Variants in ILRUN observed in about 807,000 individuals in gnomAD.
ILRUN encodes protein ILRUN.
A neutral mutation model predicts 33.8 loss-of-function variants in ILRUN; 3 were observed. The ratio of observed to expected loss-of-function variants is 0.09; its 90% CI spans 0.04 to 0.23. The LOEUF is 0.23. Ranked by LOEUF, ILRUN falls within the 10% of genes least tolerant of loss-of-function variation. The pLI is 1.00. For missense variants in ILRUN, 210 were observed against 375.1 expected, an observed-to-expected ratio of 0.56 and a Z score of 3.64; for synonymous variants, 124 against 138.9, an observed-to-expected ratio of 0.89 and a Z score of 0.75.
intron 3 of ILRUN, among the ~76,000 whole-genome samples, chr6:34,623,399 C>G (rs1233116604): frequency 6.6e-6 from 1 of 152,068 alleles, no homozygotes; most frequent in African/African-American, 2.4e-5. Flanking sequence ...ACAATCCCAC[C>G]CCACCCCTGG....
intron 3 of ILRUN, among the ~76,000 whole-genome samples, chr6:34,607,313 C>A (rs1420246091): frequency 6.6e-6 from 1 of 152,156 alleles, no homozygotes; most frequent in African/African-American, 2.4e-5. Flanking sequence ...ATGAGAATTA[C>A]AACTTTATCA....
chr6:34,696,621 C>A lies in ILRUN; in HGVS notation c.-18G>T. Reference sequence around the variant, plus strand: ...CCCTCCATGGCGGGGACCGGACACCCGCTTCCCCGCCTCTTCACAACCAAG... The same window carrying A: ...CCCTCCATGGCGGGGACCGGACACCAGCTTCCCCGCCTCTTCACAACCAAG... On this transcript the variant is annotated 5_prime_UTR_variant, in exon 1 of 5. Coordinates refer to ENST00000374023, the MANE Select transcript of ILRUN (RefSeq NM_024294.4). 6.3e-7 allele frequency: 1 copy of A among 1,578,900 alleles called. No individual in the cohort carries two copies. Among genetic ancestry groups the A allele is most frequent in the Non-Finnish European group, 8.6e-7 (1 of 1,166,028 alleles).
intron 3 of ILRUN, among the ~76,000 whole-genome samples, chr6:34,627,175 C>A (rs985220057): frequency 6.6e-6 from 1 of 152,198 alleles, no homozygotes; most frequent in Non-Finnish European, 1.5e-5. Context: ...GTAGCCTTTT[C>A]AGATCAGCTT....
intron 1 of ILRUN, among the ~76,000 whole-genome samples, chr6:34,682,021 C>CTTTTTTTTTTTTTTTTTTTTTTTT (rs1377020252): frequency 3.1e-5 from 4 of 130,016 alleles, no homozygotes; most frequent in African/African-American, 8.9e-5. Context: ...CCCACTAATT[C>CTTTTTTTTTTTTTTTTTTTTTTTT]TTATATTTTT....
intron 1 of ILRUN, among the ~76,000 whole-genome samples, chr6:34,679,318 T>C (rs1242498241): frequency 6.6e-6 from 1 of 152,144 alleles, no homozygotes; most frequent in Non-Finnish European, 1.5e-5. Context: ...TTATGAGGTG[T>C]AAGACAATTT....
chr6:34,662,363 A>G (rs1280336532), intron 1 of ILRUN, among the ~76,000 whole-genome samples: 3 of 152,032 alleles, frequency 2.0e-5, no homozygotes, highest in Non-Finnish European at 2.9e-5. Flanking sequence ...CTGGAGCACT[A>G]AGTTAAAACT....
rs1313098835 is a variant in ILRUN, at chr6:34,646,553, G to A, written c.511+48C>T. The A allele has an allele frequency of 6.3e-7, 1 of 1,580,210 alleles. No individual in the cohort carries two copies. Among genetic ancestry groups the A allele is most frequent in the Non-Finnish European group, 8.7e-7 (1 of 1,153,380 alleles). On this transcript the variant is annotated intron_variant, in intron 3 of 4. Coordinates refer to ENST00000374023, the MANE Select transcript of ILRUN (RefSeq NM_024294.4). This position sits in a 1 kb window ranked among gnomAD's most constrained non-coding sequence, Gnocchi z 4.9. ...GTGAGCAACACTGGGGATGTTATAA[G>A]ATGTTACCTTAGTTCCTTTACCCTG... is the stretch of plus-strand genomic sequence containing the variant.
intron 1 of ILRUN, among the ~76,000 whole-genome samples, chr6:34,677,349 T>C (rs1180387455): frequency 2.0e-5 from 3 of 151,404 alleles, no homozygotes; most frequent in Non-Finnish European, 4.4e-5. Context: ...ATTAAGCAAG[T>C]GAACAGAAAT....
At chr6:34,647,001 C>T (rs1360159804) in intron 2 of ILRUN, among the ~76,000 whole-genome samples, 2 of 151,832 alleles carry the variant, frequency 1.3e-5, no homozygotes, top group African/African-American at 4.9e-5. Context: ...AATAGTCTAA[C>T]CCTATGAAGA....
intron 1 of ILRUN, among the ~76,000 whole-genome samples, chr6:34,660,131 A>G (rs1423869277): frequency 7.2e-6 from 1 of 138,372 alleles, no homozygotes; most frequent in Non-Finnish European, 1.5e-5. Context: ...GCGAAACCTC[A>G]TCCCTTCAAA....
intron 3 of ILRUN, among the ~76,000 whole-genome samples, chr6:34,632,605 T>C (rs1762271015): frequency 6.7e-6 from 1 of 148,164 alleles, no homozygotes; most frequent in African/African-American, 2.5e-5. Flanking sequence ...CCAGGCTGCC[T>C]CCTGGGTTCA....
intron 2 of ILRUN, among the ~76,000 whole-genome samples, chr6:34,650,480 G>A (rs1165182335): frequency 6.6e-6 from 1 of 151,344 alleles, no homozygotes; most frequent in Non-Finnish European, 1.5e-5. Context: ...GCCCAGGCTG[G>A]AGTGCAGTGG....
chr6:34,667,116 G>A lies in ILRUN; in HGVS notation c.159-12337C>T, dbSNP rs534512395. Among the ~76,000 whole-genome samples the A allele has an allele frequency of 5.9e-5, 9 of 152,270 alleles. No individual in the cohort carries two copies. In the East Asian group the frequency reaches 1.5e-3, roughly 26 times the overall value. Reference sequence around the variant, plus strand: ...GAGAGGAAAAAAAAATCTATCTATAGTTTATTCTGATTCTTCCTTGAAGAA... The same window carrying A: ...GAGAGGAAAAAAAAATCTATCTATAATTTATTCTGATTCTTCCTTGAAGAA... On this transcript the variant is annotated intron_variant, in intron 1 of 4. Transcript: ENST00000374023.
intron 4 of ILRUN, among the ~76,000 whole-genome samples, chr6:34,601,708 C>CA (rs893248739): frequency 9.0e-6 from 1 of 111,028 alleles, no homozygotes; most frequent in African/African-American, 4.4e-5. Flanking sequence ...AGTACCCGCC[C>CA]CCCCAACTAC....
intron 1 of ILRUN, among the ~76,000 whole-genome samples, chr6:34,662,517 A>C (rs558146288): frequency 1.3e-5 from 2 of 152,302 alleles, no homozygotes; most frequent in South Asian, 2.1e-4. Flanking sequence ...ATGAACAAAT[A>C]AACAATATAT....
intron 3 of ILRUN, among the ~76,000 whole-genome samples, chr6:34,615,895 C>T (rs1761880116): frequency 1.3e-5 from 2 of 152,192 alleles, no homozygotes; most frequent in Non-Finnish European, 2.9e-5. Flanking sequence ...AACCGAACCA[C>T]CATCATCTTG....
intron 1 of ILRUN, among the ~76,000 whole-genome samples, chr6:34,682,265 T>G (rs1327364194): frequency 1.8e-4 from 26 of 141,118 alleles, no homozygotes; most frequent in Admixed American, 2.1e-4. Flanking sequence ...TTTTTTTTTT[T>G]TTTTTTTTTT....
intron 1 of ILRUN, among the ~76,000 whole-genome samples, chr6:34,678,910 A>G (rs926418784): frequency 2.6e-5 from 4 of 151,830 alleles, no homozygotes; most frequent in Non-Finnish European, 5.9e-5. Context: ...TCATGGAAAA[A>G]AGACAAAAGT....
At chr6:34,684,440 CTGAG>C (rs540366044) in intron 1 of ILRUN, among the ~76,000 whole-genome samples, 40 of 152,256 alleles carry the variant, frequency 2.6e-4, no homozygotes, top group African/African-American at 8.9e-4. Flanking sequence ...ATCTAAATTA[CTGAG>C]TAACATAGGC....
Sources: gnomAD v4.1 joint callset for allele counts (sites outside exome capture counted in the v4.1 genomes callset) on GRCh38, gnomAD v4.1.1 for gene constraint, Gnocchi (gnomAD v3.1) non-coding constraint, MANE v1.5 for transcripts, NCBI Gene and HGNC (gene_info 2026-07-23, HGNC 2026-07-21) for gene names.